ZNF566: variants seen among roughly 807,000 people sequenced by gnomAD.
ZNF566 encodes the protein zinc finger protein 566.
Under a neutral mutation model 32.8 loss-of-function variants are expected in ZNF566, and 27 were observed. The observed-to-expected ratio is 0.82, with a 90% CI of 0.61 to 1.14. ZNF566 has a LOEUF of 1.14. Ranked by LOEUF, ZNF566 falls within the 50% of genes most tolerant of loss-of-function variation. The probability of loss-of-function intolerance (pLI) is 0.00; values close to 1 mark genes in which losing one functional copy is unlikely to be tolerated. For synonymous variants in ZNF566, 154 were observed against 159.5 expected, an observed-to-expected ratio of 0.97 and a Z score of 0.26; for missense variants, 402 against 490.4, an observed-to-expected ratio of 0.82 and a Z score of 1.70.
intron 1 of ZNF566, among the ~76,000 whole-genome samples, chr19:36,485,448 TAAAAAAA>T (rs34950405): frequency 1.9e-5 from 2 of 104,504 alleles, no homozygotes; most frequent in Non-Finnish European, 1.8e-5. Flanking sequence ...CCTTGTCTAT[TAAAAAAA>T]AAAAAAAAAA....
In ZNF566 at chr19:36,446,879, A is replaced by T. The variant is rs904108309; in HGVS notation, c.*2098T>A. On this transcript the variant is annotated 3_prime_UTR_variant, in exon 5 of 5. Coordinates refer to ENST00000452939, the MANE Select transcript of ZNF566 (RefSeq NM_001145344.1). ...GAAAAAAGGAAGTGGGGCATAAAATAACAGTTCTACAGACATAAACTTCAT... is the reference window on the plus strand; with the variant it reads ...GAAAAAAGGAAGTGGGGCATAAAATTACAGTTCTACAGACATAAACTTCAT... The T allele has an allele frequency of 2.6e-5, 4 of 152,240 alleles. No homozygotes were observed. In the East Asian group the frequency reaches 7.7e-4, roughly 29 times the overall value. 9.4% of individuals were successfully genotyped at this position (152,240 alleles called of 1,614,324 possible).
Position 36,448,867 on chromosome 19 carries a change from A to C in ZNF566, c.*110T>G. 1.1e-6 allele frequency: 1 copy of C among 937,096 alleles called. No individual in the cohort carries two copies. Among genetic ancestry groups the C allele is most frequent in the Non-Finnish European group, 1.5e-6 (1 of 653,182 alleles). 58.0% of individuals were successfully genotyped at this position (937,096 alleles called of 1,614,324 possible). A position where few individuals can be genotyped will look rare whatever the true frequency, so the allele number is the denominator to read the frequency against. ...TCCCAGGCTGAATAAGCTGTAGTCC[A>C]CAAATAAAATGTTTCTACATTATTC... On this transcript the variant is annotated 3_prime_UTR_variant, in exon 5 of 5. Coordinates refer to ENST00000452939, the MANE Select transcript of ZNF566 (RefSeq NM_001145344.1).
Position 36,449,605 on chromosome 19 carries a change from T to A in ZNF566, c.629A>T (p.His210Leu). Residue 210 changes from histidine to leucine, a missense_variant, in exon 5 of 5, where the codon CAT (histidine) becomes CTT (leucine). By Grantham distance (99) the His-to-Leu change is moderately conservative. Coordinates refer to ENST00000452939, the MANE Select transcript of ZNF566 (RefSeq NM_001145344.1). ...ECKECGKSFR[H>L]PSRLTHHQKI... The stretch of plus-strand genomic sequence containing the variant: ...CTGATGATGAGTGAGTCTTGAGGGA[T>A]GTCTAAAGGACTTTCCACATTCCTT... 6.2e-7 allele frequency: 1 copy of A among 1,614,150 alleles called. No individual in the cohort carries two copies. Among genetic ancestry groups the A allele is most frequent in the Non-Finnish European group, 8.5e-7 (1 of 1,180,026 alleles).
intron 1 of ZNF566, among the ~76,000 whole-genome samples, chr19:36,481,873 T>C (rs1035405092): frequency 6.6e-6 from 1 of 152,200 alleles, no homozygotes; most frequent in Non-Finnish European, 1.5e-5. Flanking sequence ...CAGTATTATG[T>C]AACAATTAGA....
In ZNF566 at chr19:36,473,454, G is replaced by C; in HGVS notation, c.14C>G (p.Ser5Ter). Residue 5 changes from serine to a stop codon, truncating the protein, a stop_gained, in exon 3 of 5, where the codon TCA (serine) becomes TGA (stop). Transcript: ENST00000452939. LOFTEE classifies it high-confidence loss of function. Reference sequence around the variant, plus strand: ...TACGGACACATCACTGAACATCACTGACTCCTGGAACAATAACCACGTATA... The same window carrying C: ...TACGGACACATCACTGAACATCACTCACTCCTGGAACAATAACCACGTATA... MAQE[S>*]VMFSDVSVDF... is the part of the protein sequence containing the mutation. 6.3e-7 allele frequency: 1 copy of C among 1,594,696 alleles called. No individual in the cohort carries two copies. Among genetic ancestry groups the C allele is most frequent in the Non-Finnish European group, 8.5e-7 (1 of 1,172,014 alleles).
At chr19:36,484,988 T>G (rs1388228536) in intron 1 of ZNF566, among the ~76,000 whole-genome samples, 1 of 152,138 alleles carries the variant, frequency 6.6e-6, no homozygotes, top group African/African-American at 2.4e-5. Context: ...AACAACACTG[T>G]TACCAAGTTC....
intron 4 of ZNF566, among the ~76,000 whole-genome samples, chr19:36,463,261 C>G (rs1470658494): frequency 6.6e-6 from 1 of 152,040 alleles, no homozygotes; most frequent in Non-Finnish European, 1.5e-5. Context: ...TGTGGGTTCA[C>G]CACTACACTC....
intron 4 of ZNF566, among the ~76,000 whole-genome samples, chr19:36,470,934 T>C (rs2967467): frequency 0.56 from 82,981 of 149,106 alleles, 23,172 homozygotes; most frequent in African/African-American, 0.63. Context: ...ACATGGCCGG[T>C]GTGGTGGCTC....
At chr19:36,484,196 G>C (rs1360016135) in intron 1 of ZNF566, among the ~76,000 whole-genome samples, 1 of 152,198 alleles carries the variant, frequency 6.6e-6, no homozygotes, top group African/African-American at 2.4e-5. Flanking sequence ...ACTTAACACA[G>C]TTTGAACACT....
intron 4 of ZNF566, among the ~76,000 whole-genome samples, chr19:36,452,867 C>A (rs2033192491): frequency 6.6e-6 from 1 of 152,038 alleles, no homozygotes. Flanking sequence ...CACCTGTAAT[C>A]CTAGCACTTT....
In ZNF566 at chr19:36,449,183, C is replaced by G; in HGVS notation, c.1051G>C (p.Gly351Arg). 6.2e-7 allele frequency: 1 copy of G among 1,614,028 alleles called. No homozygotes were observed. ...CKECEKAFRS[G>R]SDLTRHQRIH... is the part of the protein sequence containing the mutation. ...CTCTGATGTCTAGTAAGGTCTGAGCCAGAACGAAAAGCCTTTTCACATTCC... is the reference window on the plus strand; with the variant it reads ...CTCTGATGTCTAGTAAGGTCTGAGCGAGAACGAAAAGCCTTTTCACATTCC... The change falls in exon 5 of 5, where the codon GGC (glycine) becomes CGC (arginine). Residue 351 changes from glycine (G) to arginine (R), a missense_variant. Around this residue, in one of 3 missense-constraint regions of ZNF566, gnomAD observed 135 missense variants for 210.0 expected, o/e 0.64. Transcript: ENST00000452939.
In ZNF566 at chr19:36,465,115, C is replaced by T. The variant is rs779120897; in HGVS notation, c.232+7796G>A. Among the ~76,000 whole-genome samples the T allele has an allele frequency of 9.4e-4, 143 of 152,034 alleles. 2 individuals are homozygous for T. Among genetic ancestry groups the T allele is most frequent in the Non-Finnish European group, 1.7e-3 (117 of 67,998 alleles). On this transcript the variant is annotated intron_variant, in intron 4 of 4. Transcript: ENST00000452939. ...TCAAAATGACATTATACAGAAGAGA[C>T]ACTAATGACCAATAAACATATGGAA...
intron 1 of ZNF566, among the ~76,000 whole-genome samples, chr19:36,477,746 C>T (rs903775353): frequency 1.3e-4 from 19 of 151,838 alleles, no homozygotes; most frequent in African/African-American, 4.6e-4. Context: ...CCATGTTGGC[C>T]AGGCTGGTCT....
At chr19:36,474,526 A>C (rs1453592710) in intron 2 of ZNF566, among the ~76,000 whole-genome samples, 2 of 152,196 alleles carry the variant, frequency 1.3e-5, no homozygotes, top group Non-Finnish European at 2.9e-5. Flanking sequence ...ACGAAAGTGC[A>C]GTATGGGAAT....
At position 36,449,217 on chromosome 19, in the gene ZNF566, G is replaced by A. The variant is rs755945736; in HGVS notation, c.1017C>T (p.Tyr339=). ...AAGCCTTTTCACATTCCTTACATTC[G>A]TAAGGTTTCTCACCTGTATGGATTC... ...HQRIHTGEKP[Y]ECKECEKAFR... The change falls in exon 5 of 5, where the codon TAC becomes TAT. Residue 339 remains tyrosine, a synonymous_variant. Transcript: ENST00000452939. 9 of 1,613,066 alleles carry A rather than the reference G, an allele frequency of 5.6e-6. No individual in the cohort carries two copies. In the Admixed American group the frequency reaches 8.4e-5, roughly 15 times the overall value.
At chr19:36,487,897 C>CAAAAAAAAA (rs201784748) in intron 1 of ZNF566, among the ~76,000 whole-genome samples, 1 of 75,526 alleles carries the variant, frequency 1.3e-5, no homozygotes, top group Admixed American at 1.8e-4. Flanking sequence ...GACTCTGTCT[C>CAAAAAAAAA]AAAAAAAAAA....
At position 36,447,649 on chromosome 19, in the gene ZNF566, C is replaced by T. The variant is rs773167664; in HGVS notation, c.*1328G>A. Reference sequence around the variant, plus strand: ...CATACTTTTTTTCCTCATTAGTGCACCAATATTTTGCTTATGTTCTCTTTT... The same window carrying T: ...CATACTTTTTTTCCTCATTAGTGCATCAATATTTTGCTTATGTTCTCTTTT... On this transcript the variant is annotated 3_prime_UTR_variant, in exon 5 of 5. Coordinates refer to ENST00000452939, the MANE Select transcript of ZNF566 (RefSeq NM_001145344.1). 2 of 152,022 alleles carry T rather than the reference C, an allele frequency of 1.3e-5. No homozygotes were observed. The highest frequency in any genetic ancestry group is 3.9e-4 in the East Asian group (2 of 5,182). The allele number at this position is 152,022 out of a possible 1,614,324, so 9.4% of individuals were successfully genotyped here.
intron 1 of ZNF566, among the ~76,000 whole-genome samples, chr19:36,481,470 C>A (rs1235197708): frequency 4.0e-5 from 3 of 74,278 alleles, no homozygotes; most frequent in East Asian, 6.4e-4. Context: ...GACACTGTCT[C>A]GGGAAAAAAA....
chr19:36,449,821 T>C lies in ZNF566; in HGVS notation c.413A>G (p.His138Arg), dbSNP rs930617526. 1 of 1,614,060 alleles carries C rather than the reference T, an allele frequency of 6.2e-7. No individual in the cohort carries two copies. Among genetic ancestry groups the C allele is most frequent in the African/African-American group, 1.3e-5 (1 of 74,934 alleles). ...FKKELGSQGGHFNQLVFTHED... is the reference protein window; with the variant it reads ...FKKELGSQGGRFNQLVFTHED... ...ATGAGTGAATACCAATTGATTGAAA[T>C]GTCCCCCCTGAGAGCCGAGTTCTTT... The change falls in exon 5 of 5, where the codon CAT becomes CGT. Residue 138 changes from histidine to arginine, a missense_variant. Around this residue, in one of 3 missense-constraint regions of ZNF566, gnomAD observed 220 missense variants for 241.9 expected, o/e 0.91. Transcript: ENST00000452939.
Sources: gnomAD v4.1 joint callset for allele counts (sites outside exome capture counted in the v4.1 genomes callset) on GRCh38, gnomAD v4.1.1 for gene constraint, gnomAD v4.1.1 regional missense constraint, MANE v1.5 for transcripts, NCBI Gene and HGNC (gene_info 2026-07-23, HGNC 2026-07-21) for gene names.